The following SCD5 variants were observed in gnomAD, a reference collection of about 807,000 sequenced individuals.
SCD5 encodes the protein acyl-CoA-desaturase 4.
In SCD5, 20 loss-of-function variants were observed where a neutral mutation model predicts 30.4. The observed-to-expected ratio is 0.66, with a 90% CI of 0.46 to 0.96. SCD5 has a LOEUF of 0.96. Among genes scored for constraint, SCD5 ranks in the 40% least tolerant of loss-of-function variants. The pLI, the probability that SCD5 is intolerant of heterozygous loss-of-function variation, is 0.00. For synonymous variants in SCD5, 173 were observed against 176.4 expected, an observed-to-expected ratio of 0.98 and a Z score of 0.16; for missense variants, 381 against 443.3, an observed-to-expected ratio of 0.86 and a Z score of 1.26.
At chr4:82,742,728 C>T (rs57552750) in intron 1 of SCD5, among the ~76,000 whole-genome samples, 12,185 of 152,008 alleles carry the variant, frequency 0.08, 825 homozygotes, top group African/African-American at 0.18. Flanking sequence ...TGGAGGTTGC[C>T]GTGAGCTGAG....
intron 1 of SCD5, among the ~76,000 whole-genome samples, chr4:82,784,902 T>C (rs570272599): frequency 3.3e-5 from 5 of 152,354 alleles, no homozygotes; most frequent in South Asian, 2.1e-4. Flanking sequence ...TCCTGGATTG[T>C]TGGCGATTCC....
chr4:82,783,730 G>A (rs1441353842), intron 1 of SCD5, among the ~76,000 whole-genome samples: 3 of 151,508 alleles, frequency 2.0e-5, no homozygotes, highest in Non-Finnish European at 4.4e-5. Flanking sequence ...TTGAACCTAG[G>A]AGGCGGAGGT....
intron 3 of SCD5, among the ~76,000 whole-genome samples, chr4:82,677,158 T>C (rs1382993089): frequency 6.6e-6 from 1 of 152,258 alleles, no homozygotes; most frequent in African/African-American, 2.4e-5. Context: ...ATCACCTGTT[T>C]GAGTAAACTC....
At chr4:82,702,980 C>T (rs1301791364) in intron 2 of SCD5, among the ~76,000 whole-genome samples, 5 of 152,164 alleles carry the variant, frequency 3.3e-5, no homozygotes, top group African/African-American at 1.2e-4. Flanking sequence ...TACCTTCCAC[C>T]TAGGTCTAAG....
chr4:82,712,139 T>C (rs1474453160), intron 1 of SCD5, among the ~76,000 whole-genome samples: 3 of 146,880 alleles, frequency 2.0e-5, no homozygotes, highest in Admixed American at 6.8e-5. Context: ...TTGACAGTGA[T>C]AGAGCCAGGA....
At chr4:82,727,446 A>T (rs12502666) in intron 1 of SCD5, among the ~76,000 whole-genome samples, 15,475 of 152,174 alleles carry the variant, frequency 0.1, 943 homozygotes, top group African/African-American at 0.16. Flanking sequence ...GAGTTGTATC[A>T]CCAAATCAGA....
intron 1 of SCD5, among the ~76,000 whole-genome samples, chr4:82,773,471 G>A (rs1336582623): frequency 6.6e-6 from 1 of 152,190 alleles, no homozygotes; most frequent in Non-Finnish European, 1.5e-5. Flanking sequence ...TTCTGCAAGT[G>A]GAGGGGAGGA....
chr4:82,658,630 C>CTTTTTTTTTTTTTTTTTTT (rs57727794), intron 3 of SCD5, among the ~76,000 whole-genome samples: 1 of 116,912 alleles, frequency 8.6e-6, no homozygotes, highest in Non-Finnish European at 1.7e-5. Flanking sequence ...CCACACCTGG[C>CTTTTTTTTTTTTTTTTTTT]TTTTTTTTTT....
chr4:82,723,000 C>G (rs1720401536), intron 1 of SCD5, among the ~76,000 whole-genome samples: 1 of 148,662 alleles, frequency 6.7e-6, no homozygotes, highest in African/African-American at 2.5e-5. Context: ...TCGCTTGAAC[C>G]TGGGAGGCAG....
intron 1 of SCD5, among the ~76,000 whole-genome samples, chr4:82,716,452 T>A (rs922313181): frequency 6.6e-6 from 1 of 151,862 alleles, no homozygotes; most frequent in Non-Finnish European, 1.5e-5. Context: ...GCCCTCCTTA[T>A]CCATGGGTGC....
intron 3 of SCD5, among the ~76,000 whole-genome samples, chr4:82,676,858 A>AT (rs1193499338): frequency 1.3e-5 from 2 of 152,198 alleles, no homozygotes; most frequent in Non-Finnish European, 2.9e-5. Context: ...CAATTTACAC[A>AT]TTGACAGTGC....
At chr4:82,767,099 T>TTGGGAAACAGA (rs139403126) in intron 1 of SCD5, among the ~76,000 whole-genome samples, 2,839 of 152,276 alleles carry the variant, frequency 0.019, 85 homozygotes, top group African/African-American at 0.065. Flanking sequence ...CCCAGACCTG[T>TTGGGAAACAGA]GGGGTTGTTC....
intron 3 of SCD5, among the ~76,000 whole-genome samples, chr4:82,648,787 C>A (rs1423456174): frequency 2.6e-5 from 4 of 152,080 alleles, no homozygotes. Flanking sequence ...ACAACTAAGA[C>A]TATTCAATTT....
intron 3 of SCD5, among the ~76,000 whole-genome samples, chr4:82,646,692 A>T (rs1727640274): frequency 6.6e-6 from 1 of 152,116 alleles, no homozygotes; most frequent in African/African-American, 2.4e-5. Context: ...GATCATCCAG[A>T]TGCATGGCCT....
At chr4:82,650,040 T>A (rs151101689) in intron 3 of SCD5, among the ~76,000 whole-genome samples, 79 of 152,308 alleles carry the variant, frequency 5.2e-4, no homozygotes, top group Middle Eastern at 3.4e-3. Flanking sequence ...TGCTGCTTCC[T>A]TCAGCATTAT....
In SCD5 at chr4:82,700,128, A is replaced by G. The variant is rs915114768; in HGVS notation, c.363+5155T>C. 5.9e-5 allele frequency among the ~76,000 whole-genome samples: 9 copies of G among 152,062 alleles called. 1 individual carries two copies. The highest frequency in any genetic ancestry group is 1.7e-4 in the African/African-American group (7 of 41,438). ...GCTACTCGGGTGGCTTAGGCATGAG[A>G]ATCTCTTGAACCTGGGAGGCGGAGG... is the stretch of plus-strand genomic sequence containing the variant. On this transcript the variant is annotated intron_variant, in intron 2 of 4. Coordinates refer to ENST00000319540, the MANE Select transcript of SCD5 (RefSeq NM_001037582.3).
Position 82,655,560 on chromosome 4 carries a change from T to C in SCD5, c.570-18737A>G, listed in dbSNP as rs34756580. 6.7e-3 allele frequency among the ~76,000 whole-genome samples: 1,020 copies of C among 152,206 alleles called. 3 individuals carry two copies. The highest frequency in any genetic ancestry group is 0.01 in the Non-Finnish European group (703 of 68,020). ...ATTAGGATGAAAACAAAAGTAAAAA[T>C]AGTTTTTCAAACTGGAAGTCATGAG... On this transcript the variant is annotated intron_variant, in intron 3 of 4. Coordinates refer to ENST00000319540, the MANE Select transcript of SCD5 (RefSeq NM_001037582.3).
chr4:82,672,676 A>G (rs1206001383), intron 3 of SCD5, among the ~76,000 whole-genome samples: 1 of 152,134 alleles, frequency 6.6e-6, no homozygotes, highest in African/African-American at 2.4e-5. Flanking sequence ...AAATAAAAGC[A>G]GAGGGAATAC....
In SCD5 at chr4:82,770,427, T is replaced by C. The variant is rs1416708272; in HGVS notation, c.232+27879A>G. 2.0e-5 allele frequency among the ~76,000 whole-genome samples: 3 copies of C among 152,216 alleles called. No homozygotes were observed. In the East Asian group the frequency reaches 5.8e-4, roughly 29 times the overall value. ...AGGGTTGATGAGTTGCAGCTGATCA[T>C]CCGCTTAACCACTGCTGACAGTTCT... On this transcript the variant is annotated intron_variant, in intron 1 of 4. Transcript: ENST00000319540.
Sources: allele counts gnomAD v4.1 joint callset (sites outside exome capture counted in the v4.1 genomes callset), GRCh38; gene constraint gnomAD v4.1.1; transcripts MANE v1.5; gene names NCBI Gene and HGNC (gene_info 2026-07-23, HGNC 2026-07-21).